Variants in CUX1 observed in about 807,000 individuals in gnomAD.
CUX1 encodes the protein cut like homeobox 1.
CUX1 carries 31 observed loss-of-function variants against 158.8 expected under a neutral mutation model. The ratio of observed to expected loss-of-function variants is 0.20; its 90% CI spans 0.15 to 0.26. The LOEUF (loss-of-function observed/expected upper bound fraction) is 0.26. Ranked by LOEUF, CUX1 falls within the 10% of genes least tolerant of loss-of-function variation. The pLI is 1.00. For synonymous variants in CUX1, 879 were observed against 862.1 expected, an observed-to-expected ratio of 1.02 and a Z score of -0.34; for missense variants, 1,589 against 2,014.6, an observed-to-expected ratio of 0.79 and a Z score of 4.04.
Position 102,029,482 on chromosome 7 carries a change from G to A in CUX1, c.189+1337G>A, listed in dbSNP as rs1188370730. Among the ~76,000 whole-genome samples the A allele has an allele frequency of 3.3e-5, 5 of 152,208 alleles. No homozygotes were observed. In the South Asian group the frequency reaches 6.2e-4, roughly 19 times the overall value. ...TCCCAGAGCTCTAGAGCAAGTTGTC[G>A]GGCTTCCATTTGGGAAATTCATCAA... On this transcript the variant is annotated intron_variant, in intron 3 of 23. Transcript: ENST00000292535.
intron 2 of CUX1, among the ~76,000 whole-genome samples, chr7:101,977,618 G>A (rs557221549): frequency 6.6e-6 from 1 of 152,052 alleles, no homozygotes; most frequent in East Asian, 1.9e-4. Context: ...ACTCCAGCCT[G>A]GGCAACAGAG....
intron 2 of CUX1, among the ~76,000 whole-genome samples, chr7:101,964,247 G>A (rs1369990961): frequency 6.6e-6 from 1 of 152,014 alleles, no homozygotes; most frequent in East Asian, 1.9e-4. Context: ...CAGCTTCTCA[G>A]GAGGCTGAGG....
chr7:102,235,779 C>T, intron 22 of CUX1, among the ~76,000 whole-genome samples: 1 of 121,228 alleles, frequency 8.2e-6, no homozygotes, highest in South Asian at 2.5e-4. Context: ...CCGTCCCCGC[C>T]ACACACACAC....
At chr7:101,873,178 C>CTTTTTTTTTTTT (rs35246188) in intron 1 of CUX1, among the ~76,000 whole-genome samples, 10 of 119,670 alleles carry the variant, frequency 8.4e-5, no homozygotes, top group African/African-American at 9.5e-5. Flanking sequence ...GCCTCAGCTT[C>CTTTTTTTTTTTT]TTTTTTTTTT....
Position 102,194,084 on chromosome 7 carries a change from C to T in CUX1, c.1125+194C>T, listed in dbSNP as rs1167429900. The T allele has an allele frequency of 2.3e-5, 15 of 662,924 alleles. No individual in the cohort carries two copies. In the Admixed American group the frequency reaches 3.6e-4, roughly 16 times the overall value. The allele number at this position is 662,924 out of a possible 1,614,324, so 41.1% of individuals were successfully genotyped here. A position where few individuals can be genotyped will look rare whatever the true frequency, so the allele number is the denominator to read the frequency against. ...TTTTGTCTCCTTTTTTTCCATGTGT[C>T]CAAGGCATGAACCAGGCATAGATCA... On this transcript the variant is annotated intron_variant, in intron 13 of 23. Coordinates refer to ENST00000292535, the MANE Select transcript of CUX1 (RefSeq NM_181552.4).
intron 2 of CUX1, among the ~76,000 whole-genome samples, chr7:101,934,352 C>T (rs1806670574): frequency 6.6e-6 from 1 of 152,196 alleles, no homozygotes; most frequent in African/African-American, 2.4e-5. Flanking sequence ...CTATAATGCG[C>T]TCCCATTATC....
chr7:102,258,829 G>A (rs367951030), downstream of CUX1, among the ~76,000 whole-genome samples: 3 of 152,208 alleles, frequency 2.0e-5, no homozygotes, highest in African/African-American at 7.2e-5. Context: ...TAATGCTTGC[G>A]AGTGGGACAG....
chr7:102,177,793 G>A (rs968819753), intron 10 of CUX1, among the ~76,000 whole-genome samples: 8 of 152,002 alleles, frequency 5.3e-5, no homozygotes, highest in Non-Finnish European at 1.0e-4. Flanking sequence ...TGGTCACCCC[G>A]CACACTTTTC....
At chr7:102,199,159 T>C (rs1318953618) in intron 16 of CUX1, among the ~76,000 whole-genome samples, 1 of 152,170 alleles carries the variant, frequency 6.6e-6, no homozygotes, top group Non-Finnish European at 1.5e-5. Flanking sequence ...CCCCCGTTTT[T>C]CTCAGACGCA....
chr7:102,053,936 G>C (rs1823833952), intron 3 of CUX1, among the ~76,000 whole-genome samples: 1 of 151,514 alleles, frequency 6.6e-6, no homozygotes, highest in Non-Finnish European at 1.5e-5. Flanking sequence ...CTCCTGAGTA[G>C]CTGGGATCAC....
intron 7 of CUX1, chr7:102,112,118 A>C (rs1430552294): frequency 5.4e-6 from 1 of 185,532 alleles, no homozygotes; most frequent in African/African-American, 2.3e-5. Flanking sequence ...AAAAAAAAAA[A>C]AAACTCACTT....
intron 20 of CUX1, among the ~76,000 whole-genome samples, chr7:102,208,057 A>G (rs1382433353): frequency 6.6e-6 from 1 of 152,074 alleles, no homozygotes; most frequent in Non-Finnish European, 1.5e-5. Context: ...GTGTGATGGC[A>G]TGCACCTGTA....
intron 2 of CUX1, among the ~76,000 whole-genome samples, chr7:101,923,226 C>T (rs775413762): frequency 6.6e-6 from 1 of 152,176 alleles, no homozygotes; most frequent in Admixed American, 6.5e-5. Context: ...CCTGCGACAT[C>T]GGCCTGGCTT....
At chr7:102,124,170 A>G (rs1406261104) in intron 8 of CUX1, among the ~76,000 whole-genome samples, 1 of 152,192 alleles carries the variant, frequency 6.6e-6, no homozygotes, top group Non-Finnish European at 1.5e-5. Context: ...GAGTGAATAC[A>G]GTGTATAGAT....
intron 3 of CUX1, among the ~76,000 whole-genome samples, chr7:102,029,815 T>C (rs1416448546): frequency 6.6e-6 from 1 of 152,152 alleles, no homozygotes; most frequent in East Asian, 1.9e-4. Flanking sequence ...TGAGTGAGGC[T>C]GTTACCTGAC....
intron 17 of CUX1, among the ~76,000 whole-genome samples, chr7:102,277,715 A>G (rs1232169062): frequency 6.6e-6 from 1 of 152,206 alleles, no homozygotes. Context: ...ATTACTTTTA[A>G]GGGCAAAAAC....
intron 1 of CUX1, among the ~76,000 whole-genome samples, chr7:101,877,784 G>GTA (rs1562957225): frequency 9.6e-6 from 1 of 104,100 alleles, no homozygotes; most frequent in Non-Finnish European, 1.8e-5. Context: ...GTGTGTGTGT[G>GTA]TGTGTGTGTG....
chr7:102,074,785 G>A (rs959738627), intron 4 of CUX1, among the ~76,000 whole-genome samples: 3 of 152,202 alleles, frequency 2.0e-5, no homozygotes, highest in Non-Finnish European at 2.9e-5. Context: ...TGATGTGTCC[G>A]GCAGAAGCCG....
intron 8 of CUX1, among the ~76,000 whole-genome samples, chr7:102,152,691 C>T (rs782215274): frequency 4.6e-5 from 7 of 152,182 alleles, no homozygotes; most frequent in Non-Finnish European, 7.3e-5. Flanking sequence ...TGCATCTGGC[C>T]GACTTTTAAA....
Sources: gnomAD v4.1 joint callset for allele counts (sites outside exome capture counted in the v4.1 genomes callset) on GRCh38, gnomAD v4.1.1 for gene constraint, MANE v1.5 for transcripts, NCBI Gene and HGNC (gene_info 2026-07-23, HGNC 2026-07-21) for gene names.